DACH2: variants seen among roughly 807,000 people sequenced by gnomAD.
DACH2 encodes dachshund family transcription factor 2, also known as dachshund homolog 2.
DACH2 carries 17 observed loss-of-function variants against 35.8 expected under a neutral mutation model. The ratio of observed to expected loss-of-function variants is 0.48; its 90% CI spans 0.33 to 0.71. DACH2 has a LOEUF of 0.71. Ranked by LOEUF, DACH2 falls within the 30% of genes least tolerant of loss-of-function variation. The pLI, the probability that DACH2 is intolerant of heterozygous loss-of-function variation, is 0.02. For missense variants in DACH2, 469 were observed against 472.7 expected, an observed-to-expected ratio of 0.99 and a Z score of 0.07; for synonymous variants, 195 against 177.3, an observed-to-expected ratio of 1.10 and a Z score of -0.79.
rs898716078 is a variant in DACH2 at position 86,712,099 on chromosome X, A to G, written c.932-2449A>G. 2.7e-5 allele frequency among the ~76,000 whole-genome samples: 3 copies of G among 111,608 alleles called. No individual in the cohort carries two copies. The Admixed American group carries it at 2.9e-4, about 11-fold the overall frequency. ...AGTTTGATCAATTTGTGACTGAAGC[A>G]GTGTAAACAAAGAAGGACTGAAGTG... On this transcript the variant is annotated intron_variant, in intron 5 of 11. Coordinates refer to ENST00000373125, the MANE Select transcript of DACH2 (RefSeq NM_053281.3).
At chrX:86,262,918 C>G (rs1056813927) in intron 1 of DACH2, 1 of 591,618 alleles carries the variant, frequency 1.7e-6, no homozygotes, top group Admixed American at 9.0e-5. Flanking sequence ...AAGAAACAAA[C>G]AATCTCAGTC....
chrX:86,167,631 G>A (rs1359927193), intron 1 of DACH2, among the ~76,000 whole-genome samples: 1 of 110,944 alleles, frequency 9.0e-6, no homozygotes, highest in East Asian at 2.8e-4. Flanking sequence ...TAGGTGTAAT[G>A]TTAGATAGTT....
chrX:86,818,212 C>T (rs1344090553), intron 11 of DACH2, among the ~76,000 whole-genome samples: 1 of 111,163 alleles, frequency 9.0e-6, no homozygotes, highest in Non-Finnish European at 1.9e-5. Flanking sequence ...TGATAAAGCC[C>T]CTATCATCTC....
intron 3 of DACH2, among the ~76,000 whole-genome samples, chrX:86,575,209 A>G (rs1046353752): frequency 9.0e-6 from 1 of 110,712 alleles, no homozygotes; most frequent in African/African-American, 3.3e-5. Flanking sequence ...CCAACTTTAA[A>G]CTCTTTCTAT....
chrX:86,694,641 C>T (rs2148444001), intron 4 of DACH2, among the ~76,000 whole-genome samples: 1 of 111,861 alleles, frequency 8.9e-6, no homozygotes, highest in Non-Finnish European at 1.9e-5. Flanking sequence ...TGAGTGTGTT[C>T]TTTTTCAGTG....
chrX:86,431,598 T>C (rs183936446), intron 2 of DACH2, among the ~76,000 whole-genome samples: 2 of 111,688 alleles, frequency 1.8e-5, no homozygotes, highest in East Asian at 5.6e-4. Context: ...ATGGCATACA[T>C]AGAATGACTC....
intron 1 of DACH2, among the ~76,000 whole-genome samples, chrX:86,257,678 G>T (rs112241117): frequency 8.9e-6 from 1 of 112,022 alleles, no homozygotes; most frequent in Non-Finnish European, 1.9e-5. Flanking sequence ...AAAGTGCTAG[G>T]ATTACAGGCG....
intron 7 of DACH2, among the ~76,000 whole-genome samples, chrX:86,754,284 G>A (rs1351607023): frequency 9.0e-6 from 1 of 110,689 alleles, no homozygotes; most frequent in Non-Finnish European, 1.9e-5. Flanking sequence ...CATCTAGAAT[G>A]TAGTACAGAC....
At chrX:86,564,854 A>G (rs923978433) in intron 3 of DACH2, among the ~76,000 whole-genome samples, 1 of 111,258 alleles carries the variant, frequency 9.0e-6, no homozygotes, top group Non-Finnish European at 1.9e-5. Context: ...CACAGGGAAT[A>G]TTAGTGATGA....
chrX:86,691,450 A>G (rs975301597), intron 4 of DACH2, among the ~76,000 whole-genome samples: 12 of 111,837 alleles, frequency 1.1e-4, no homozygotes, highest in African/African-American at 3.9e-4. Context: ...GTATCAAAAC[A>G]TATCAGGTAC....
intron 5 of DACH2, among the ~76,000 whole-genome samples, chrX:86,699,710 G>T (rs1354436562): frequency 9.0e-6 from 1 of 111,703 alleles, no homozygotes; most frequent in Non-Finnish European, 1.9e-5. Flanking sequence ...TTTCAGTTCA[G>T]CTCAGATTTT....
intron 2 of DACH2, among the ~76,000 whole-genome samples, chrX:86,413,439 A>G (rs1031895855): frequency 8.9e-6 from 1 of 111,802 alleles, no homozygotes; most frequent in Non-Finnish European, 1.9e-5. Context: ...TACTCAAGCA[A>G]TGAAACCACA....
At chrX:86,577,680 A>G (rs1181082619) in intron 3 of DACH2, among the ~76,000 whole-genome samples, 1 of 111,480 alleles carries the variant, frequency 9.0e-6, no homozygotes, top group East Asian at 2.8e-4. Flanking sequence ...CTGGGGGTCT[A>G]GTCACCAGAA....
chrX:86,681,744 G>C (rs1455227131), intron 4 of DACH2, among the ~76,000 whole-genome samples: 5 of 108,202 alleles, frequency 4.6e-5, no homozygotes. Flanking sequence ...TTAAGCCCAT[G>C]GCTTTTAGTA....
At chrX:86,158,569 G>T (rs886776544) in intron 1 of DACH2, among the ~76,000 whole-genome samples, 4 of 109,748 alleles carry the variant, frequency 3.6e-5, no homozygotes, top group African/African-American at 1.3e-4. Context: ...CTTATTAAGG[G>T]TATTCTTTGT....
At chrX:86,730,179 G>T (rs1020996710) in intron 6 of DACH2, among the ~76,000 whole-genome samples, 1 of 111,213 alleles carries the variant, frequency 9.0e-6, no homozygotes, top group East Asian at 2.8e-4. Flanking sequence ...CTGGAAAGTA[G>T]TCTTCTAGTA....
chrX:86,633,491 G>C (rs1291012422), intron 3 of DACH2, among the ~76,000 whole-genome samples: 2 of 111,152 alleles, frequency 1.8e-5, no homozygotes, highest in African/African-American at 6.5e-5. Context: ...AAAAATCCTG[G>C]GACTAGATAA....
At chrX:86,812,103 A>T (rs1324019956) in intron 7 of DACH2, among the ~76,000 whole-genome samples, 1 of 112,037 alleles carries the variant, frequency 8.9e-6, no homozygotes, top group Non-Finnish European at 1.9e-5. Flanking sequence ...TATATTCATG[A>T]AACAAAATAC....
chrX:86,612,518 T>C (rs2039958607), intron 3 of DACH2, among the ~76,000 whole-genome samples: 1 of 111,691 alleles, frequency 9.0e-6, no homozygotes, highest in South Asian at 3.7e-4. Context: ...ATGTCAATTT[T>C]TGAATGTTAA....
Sources: allele counts gnomAD v4.1 joint callset (sites outside exome capture counted in the v4.1 genomes callset), GRCh38; gene constraint gnomAD v4.1.1; transcripts MANE v1.5; gene names NCBI Gene and HGNC (gene_info 2026-07-23, HGNC 2026-07-21).